The following TTC21A variants were observed in gnomAD, a reference collection of about 807,000 sequenced individuals.
TTC21A encodes the protein tetratricopeptide repeat domain 21A.
In TTC21A, 128 loss-of-function variants were observed where a neutral mutation model predicts 156.4. The observed-to-expected ratio is 0.82, with a 90% CI of 0.71 to 0.95. The LOEUF is 0.95. TTC21A is among the 40% of genes least tolerant of loss of function. The pLI is 0.00. For missense variants in TTC21A, 1,435 were observed against 1,602.3 expected (o/e 0.90, Z 1.78); for synonymous variants, 587 against 617.1 (o/e 0.95, Z 0.72).
chr3:39,134,249 TC>T lies in TTC21A; in HGVS notation c.2785del (p.Gln929ArgfsTer27). On this transcript the variant is annotated frameshift_variant, in exon 21 of 29. Transcript: ENST00000683103. LOFTEE classifies it high-confidence loss of function. This position sits in a 1 kb window ranked among gnomAD's most constrained non-coding sequence, Gnocchi z 4.6. ...CTGGAGCTGGCGCAGCTCTACCTGC[TC>T]CAGGGGCACCTGGACCTGTGTGAGC... The part of the protein sequence containing the change: ...VMLELAQLYL[L>X]QGHLDLCEQH... The T allele has an allele frequency of 6.2e-7, 1 of 1,613,918 alleles. No individual in the cohort carries two copies. The highest frequency in any genetic ancestry group is 8.5e-7 in the Non-Finnish European group (1 of 1,179,870).
At chr3:39,124,135 T>C (rs2038007403) in intron 9 of TTC21A, among the ~76,000 whole-genome samples, 2 of 152,162 alleles carry the variant, frequency 1.3e-5, no homozygotes, top group South Asian at 4.2e-4. Flanking sequence ...ACCCATCAGC[T>C]CTCCCTCAGG....
At chr3:39,108,045 T>C in intron 1 of TTC21A, 181 bp downstream of exon 1, 1 of 656,934 alleles carries the variant, frequency 1.5e-6, no homozygotes, top group Non-Finnish European at 2.6e-6. Flanking sequence ...CTGCGCACCC[T>C]GAGCCCCAAA....
chr3:39,126,473 ACTACAC>A, intron 12 of TTC21A, 83 bp downstream of exon 12: 2 of 986,724 alleles, frequency 2.0e-6, no homozygotes, highest in Non-Finnish European at 3.0e-6. Flanking sequence ...TGCCTAGGAT[ACTACAC>A]ACACACACAC....
At position 39,136,521 on chromosome 3, in the gene TTC21A, G is replaced by C; in HGVS notation, c.3095+14G>C. ...TATCTACTGCTGGTGAGTTGGGTGT[G>C]GTGTGTTGAGGGGCAGCTGTGTGCA... On this transcript the variant is annotated intron_variant, in intron 23 of 28. Transcript: ENST00000683103. 6.2e-7 allele frequency: 1 copy of C among 1,613,036 alleles called. No homozygotes were observed. Among genetic ancestry groups the C allele is most frequent in the Non-Finnish European group, 8.5e-7 (1 of 1,179,316 alleles).
chr3:39,136,968 G>C lies in TTC21A; in HGVS notation c.3165G>C (p.Gln1055His). The change falls in exon 24 of 29, where the codon CAG becomes CAC. Residue 1055 changes from glutamine (Q) to histidine (H), a missense_variant. Transcript: ENST00000683103. ...CACGCAAGGACAGCACTTGGGGCCA[G>C]AGCGCCATCTACCACATGGTGCAGA... ...NKARKDSTWG[Q>H]SAIYHMVQIC... is the part of the protein sequence containing the mutation. 6.2e-7 allele frequency: 1 copy of C among 1,614,240 alleles called. No individual in the cohort carries two copies. Among genetic ancestry groups the C allele is most frequent in the Non-Finnish European group, 8.5e-7 (1 of 1,180,052 alleles).
intron 8 of TTC21A, among the ~76,000 whole-genome samples, chr3:39,120,308 A>G (rs2037662638): frequency 6.6e-6 from 1 of 152,154 alleles, no homozygotes; most frequent in Non-Finnish European, 1.5e-5. Flanking sequence ...ATTTGGGGAA[A>G]GCGGGTGGTA....
rs760479985 is a variant in TTC21A at position 39,137,325 on chromosome 3, A to T, written c.3388A>T (p.Thr1130Ser). 9.9e-6 allele frequency: 16 copies of T among 1,613,808 alleles called. No homozygotes were observed. The highest frequency in any genetic ancestry group is 2.7e-5 in the African/African-American group (2 of 74,912). The part of the protein sequence containing the change: ...RLLQGLCRLA[T>S]REKANMEAAL... ...GCTGCAGGGCCTCTGCCGGCTGGCC[A>T]CCAGGGAGAAGGCTAACATGGAGGC... Residue 1130 changes from threonine to serine, a missense_variant, in exon 25 of 29, where the codon ACC (threonine) becomes TCC (serine). Coordinates refer to ENST00000683103, the MANE Select transcript of TTC21A (RefSeq NM_001366900.1).
Position 39,114,734 on chromosome 3 carries a change from G to A in TTC21A, c.708G>A (p.Met236Ile). 2.5e-6 allele frequency: 4 copies of A among 1,614,208 alleles called. No individual in the cohort carries two copies. Among genetic ancestry groups the A allele is most frequent in the Non-Finnish European group, 3.4e-6 (4 of 1,180,036 alleles). ...ARQDWEQTVE[M>I]GHRILEKDES... ...AGGACTGGGAGCAGACAGTAGAAAT[G>A]GGACACAGGTGAGCTACTGCACAAA... The change falls in exon 6 of 29, where the codon ATG becomes ATA. Residue 236 changes from methionine to isoleucine, a missense_variant. Physicochemically the swap from Met to Ile is conservative, Grantham distance 10 (BLOSUM62 1). Coordinates refer to ENST00000683103, the MANE Select transcript of TTC21A (RefSeq NM_001366900.1).
intron 6 of TTC21A, among the ~76,000 whole-genome samples, chr3:39,116,695 C>G (rs1289773937): frequency 6.6e-6 from 1 of 152,100 alleles, no homozygotes; most frequent in Non-Finnish European, 1.5e-5. Flanking sequence ...GTGTCAAACT[C>G]CTGGGCTCAA....
In TTC21A at chr3:39,130,274, T is replaced by C; in HGVS notation, c.2235T>C (p.Asp745=). 1 of 1,613,858 alleles carries C rather than the reference T, an allele frequency of 6.2e-7. No individual in the cohort carries two copies. Among genetic ancestry groups the C allele is most frequent in the Non-Finnish European group, 8.5e-7 (1 of 1,179,878 alleles). Residue 745 remains aspartate (D), a synonymous_variant, in exon 17 of 29, where the codon GAT becomes GAC. Transcript: ENST00000683103. The surrounding 1 kb of genome is among the most constrained non-coding windows in gnomAD (Gnocchi z 4.5). ...LEPEKALEVY[D]EAYRQNPHDA... ...CCGAGAAGGCCCTGGAGGTCTATGA[T>C]GAGGCCTATAGACAGAACCCACATG...
Position 39,133,110 on chromosome 3 carries a change from T to C in TTC21A, c.2621T>C (p.Ile874Thr). Residue 874 changes from isoleucine (I) to threonine (T), a missense_variant, in exon 20 of 29, where the codon ATT (isoleucine) becomes ACT (threonine). Coordinates refer to ENST00000683103, the MANE Select transcript of TTC21A (RefSeq NM_001366900.1). ...GTTCCACTGGAGCAACCAGAAATGA[T>C]TCCCTCCCAGAAGCAACTGGCAGCC... ...KRVPLEQPEMIPSQKQLAASI... is the reference protein window; with the variant it reads ...KRVPLEQPEMTPSQKQLAASI... 1 of 1,614,246 alleles carries C rather than the reference T, an allele frequency of 6.2e-7. No homozygotes were observed. The highest frequency in any genetic ancestry group is 8.5e-7 in the Non-Finnish European group (1 of 1,180,050).
chr3:39,134,448 A>G lies in TTC21A; in HGVS notation c.2862+120A>G, dbSNP rs746645559. ...CAGATGCCTCACTGACACACCTCTG[A>G]GGAGCTGTCGGGCAGAGAGGACTCA... On this transcript the variant is annotated intron_variant, in intron 21 of 28. Coordinates refer to ENST00000683103, the MANE Select transcript of TTC21A (RefSeq NM_001366900.1). This position sits in a 1 kb window ranked among gnomAD's most constrained non-coding sequence, Gnocchi z 4.6. The G allele has an allele frequency of 1.3e-5, 10 of 785,086 alleles. No homozygotes were observed. The Admixed American group carries it at 1.8e-4, about 14-fold the overall frequency. 48.6% of individuals were successfully genotyped at this position (785,086 alleles called of 1,614,324 possible).
At position 39,128,720 on chromosome 3, in the gene TTC21A, C is replaced by T. The variant is rs200850731; in HGVS notation, c.1684C>T (p.Arg562Ter). 23 of 1,613,996 alleles carry T rather than the reference C, an allele frequency of 1.4e-5. No individual in the cohort carries two copies. The highest frequency in any genetic ancestry group is 2.2e-5 in the South Asian group (2 of 91,068). The change falls in exon 14 of 29, where the codon CGA becomes TGA. Residue 562 changes from arginine (R) to a stop codon, truncating the protein, a stop_gained. Transcript: ENST00000683103. LOFTEE classifies it high-confidence loss of function. ...ELGVSHNFQV[R>*]DHPLYHLIKA... is the part of the protein sequence containing the mutation. ...CACTCTGCTGTGCTCCTCCTAGGTC[C>T]GAGATCACCCCCTCTACCACCTCAT...
intron 9 of TTC21A, among the ~76,000 whole-genome samples, chr3:39,122,482 T>G (rs2037854718): frequency 6.6e-6 from 1 of 152,108 alleles, no homozygotes; most frequent in South Asian, 2.1e-4. Context: ...GCTAAAGAAT[T>G]TAGTAGACCA....
rs1266561883 is a variant in TTC21A, at chr3:39,131,093, A to ATT, written c.2560_2561insTT (p.Lys854IlefsTer11). ...AGAAGCTGTGATAGAAACTTTGAAC[A>ATT]AGGTAATTGACAGGTGGACTCAAGC... On this transcript the variant is annotated frameshift_variant and splice_region_variant, in exon 19 of 29. Transcript: ENST00000683103. LOFTEE classifies it high-confidence loss of function. The ATT allele has an allele frequency of 6.2e-7, 1 of 1,605,690 alleles. No homozygotes were observed. Among genetic ancestry groups the ATT allele is most frequent in the Non-Finnish European group, 8.5e-7 (1 of 1,179,552 alleles).
chr3:39,138,550 C>T lies in TTC21A; in HGVS notation c.3797-6C>T, dbSNP rs777539164. 9.5e-5 allele frequency: 153 copies of T among 1,614,040 alleles called. No individual in the cohort carries two copies. Among genetic ancestry groups the T allele is most frequent in the Non-Finnish European group, 1.2e-4 (143 of 1,180,018 alleles). ...CCACCATCTTTGCTCTCCATGTCCC[C>T]GGTAGGCTTCAAACTTGCTTTCAAC... On this transcript the variant is annotated splice_region_variant and splice_polypyrimidine_tract_variant and intron_variant, in intron 27 of 28. Transcript: ENST00000683103.
chr3:39,110,299 C>A, intron 3 of TTC21A, 160 bp downstream of exon 3: 1 of 687,174 alleles, frequency 1.5e-6, no homozygotes, highest in Non-Finnish European at 2.6e-6. Context: ...TCCTCTCCCC[C>A]TGGAGGCCTG....
intron 23 of TTC21A, 136 bp downstream of exon 23, chr3:39,136,643 T>G: frequency 8.5e-7 from 1 of 1,179,330 alleles, no homozygotes; most frequent in Non-Finnish European, 1.2e-6. Context: ...TGAGGGCCCA[T>G]GGGGGCAGGG....
At chr3:39,111,133 C>A in intron 4 of TTC21A, 116 bp downstream of exon 4, 2 of 1,179,474 alleles carry the variant, frequency 1.7e-6, no homozygotes, top group Non-Finnish European at 2.3e-6. Flanking sequence ...CACACCCAGG[C>A]ACTGGCAAAA....
Sources: gnomAD v4.1 joint callset for allele counts (sites outside exome capture counted in the v4.1 genomes callset) on GRCh38, gnomAD v4.1.1 for gene constraint, Gnocchi (gnomAD v3.1) non-coding constraint, MANE v1.5 for transcripts, NCBI Gene and HGNC (gene_info 2026-07-23, HGNC 2026-07-21) for gene names.